B3GALT1: variants seen among roughly 807,000 people sequenced by gnomAD.
B3GALT1 encodes UDP-Gal:betaGlcNAc beta 1,3-galactosyltransferase, polypeptide 1.
In B3GALT1, 10 loss-of-function variants were observed where a neutral mutation model predicts 23.2. The observed-to-expected ratio is 0.43, with a 90% confidence interval of 0.27 to 0.73. The LOEUF (loss-of-function observed/expected upper bound fraction) is 0.73, where lower values mean the gene tolerates loss of function less well. Among genes scored for constraint, B3GALT1 ranks in the 30% least tolerant of loss-of-function variants. The probability of loss-of-function intolerance (pLI) is 0.21; values close to 1 mark genes in which losing one functional copy is unlikely to be tolerated. For missense variants in B3GALT1, 299 were observed against 405.4 expected, an observed-to-expected ratio of 0.74 and a Z score of 2.25; for synonymous variants, 156 against 141.5, an observed-to-expected ratio of 1.10 and a Z score of -0.73.
At chr2:167,770,753 A>G (rs974083939) in intron 3 of B3GALT1, among the ~76,000 whole-genome samples, 2 of 152,140 alleles carry the variant, frequency 1.3e-5, no homozygotes, top group South Asian at 2.1e-4. Flanking sequence ...AGTTTTTCAT[A>G]TCAGTGTCCT....
chr2:167,349,021 A>G (rs940386376), intron 1 of B3GALT1, among the ~76,000 whole-genome samples: 3 of 152,192 alleles, frequency 2.0e-5, no homozygotes, highest in African/African-American at 4.8e-5. Flanking sequence ...GTCATGTTTC[A>G]TATTTTTCAG....
chr2:167,654,260 GATA>G (rs1259087265), intron 3 of B3GALT1, among the ~76,000 whole-genome samples: 1 of 152,108 alleles, frequency 6.6e-6, no homozygotes, highest in African/African-American at 2.4e-5. Flanking sequence ...GAATATATTT[GATA>G]ATAATACTAT....
At chr2:167,629,750 G>A (rs540614273) in intron 2 of B3GALT1, among the ~76,000 whole-genome samples, 26 of 151,780 alleles carry the variant, frequency 1.7e-4, no homozygotes, top group African/African-American at 6.3e-4. Flanking sequence ...TTTTGTGCAT[G>A]GATCAAAAAT....
At chr2:167,827,400 G>T (rs1689253158) in intron 4 of B3GALT1, among the ~76,000 whole-genome samples, 1 of 152,214 alleles carries the variant, frequency 6.6e-6, no homozygotes, top group Admixed American at 6.5e-5. Flanking sequence ...AATATGACGA[G>T]ATCCTTGCCA....
At chr2:167,400,933 C>T (rs565784052) in intron 1 of B3GALT1, among the ~76,000 whole-genome samples, 3 of 152,214 alleles carry the variant, frequency 2.0e-5, no homozygotes, top group South Asian at 4.2e-4. Flanking sequence ...AGTCCAATAG[C>T]GGGAACTTCA....
intron 1 of B3GALT1, among the ~76,000 whole-genome samples, chr2:167,442,372 A>G (rs1408718272): frequency 6.6e-6 from 1 of 152,146 alleles, no homozygotes; most frequent in African/African-American, 2.4e-5. Context: ...ATCATGATTT[A>G]TAGTCCTTTG....
chr2:167,386,473 A>C (rs1697931031), intron 1 of B3GALT1, among the ~76,000 whole-genome samples: 1 of 152,168 alleles, frequency 6.6e-6, no homozygotes, highest in South Asian at 2.1e-4. Flanking sequence ...TATGTTTTCA[A>C]AATATGTAAC....
At position 167,683,257 on chromosome 2, in the gene B3GALT1, G is replaced by A. The variant is rs1045725703; in HGVS notation, c.-352+36291G>A. 1.1e-4 allele frequency among the ~76,000 whole-genome samples: 17 copies of A among 152,140 alleles called. 1 individual carries two copies. Among genetic ancestry groups the A allele is most frequent in the Non-Finnish European group, 2.9e-5 (2 of 68,028 alleles). ...TATCTGTACTTCTTTATATTACAGGGTGGCAGTAGACACCAAAGACCTTCC... is the reference window on the plus strand; with the variant it reads ...TATCTGTACTTCTTTATATTACAGGATGGCAGTAGACACCAAAGACCTTCC... On this transcript the variant is annotated intron_variant, in intron 3 of 4. Transcript: ENST00000392690.
chr2:167,582,757 C>G (rs1445555582), intron 2 of B3GALT1, among the ~76,000 whole-genome samples: 1 of 152,082 alleles, frequency 6.6e-6, no homozygotes, highest in Non-Finnish European at 1.5e-5. Context: ...CAAGCCCATC[C>G]CTGGGCATTC....
chr2:167,871,971 G>T lies in B3GALT1; in HGVS notation c.*1951G>T, dbSNP rs1190586493. ...GGCGGGAGTGCAGTGGCACAATCTC[G>T]GCTCACTGCAAGCTCCGCCTCCCGG... On this transcript the variant is annotated 3_prime_UTR_variant, in exon 5 of 5. Transcript: ENST00000392690. The T allele has an allele frequency of 1.5e-5, 2 of 131,608 alleles. No individual in the cohort carries two copies. Among genetic ancestry groups the T allele is most frequent in the African/African-American group, 5.8e-5 (2 of 34,610 alleles). 8.2% of individuals were successfully genotyped at this position (131,608 alleles called of 1,614,324 possible). A position where few individuals can be genotyped will look rare whatever the true frequency, so the allele number is the denominator to read the frequency against.
chr2:167,381,527 G>T (rs1481003567), intron 1 of B3GALT1, among the ~76,000 whole-genome samples: 1 of 152,172 alleles, frequency 6.6e-6, no homozygotes, highest in East Asian at 1.9e-4. Flanking sequence ...TTGGTTGAAG[G>T]TCCTGGAGAC....
At chr2:167,807,855 A>G (rs1303426524) in intron 3 of B3GALT1, among the ~76,000 whole-genome samples, 3 of 152,158 alleles carry the variant, frequency 2.0e-5, no homozygotes, top group Admixed American at 6.5e-5. Flanking sequence ...GCTGAGTTCA[A>G]TTCCTGGATA....
In B3GALT1 at chr2:167,647,923, A is replaced by G. The variant is rs974391555; in HGVS notation, c.-352+957A>G. On this transcript the variant is annotated intron_variant, in intron 3 of 4. Transcript: ENST00000392690. The stretch of plus-strand genomic sequence containing the variant: ...TCCTCAAGCATTTATCCTTTGAGCT[A>G]TAAACAACCTAATTTCGCTCTTTAA... Among the ~76,000 whole-genome samples the G allele has an allele frequency of 3.9e-5, 6 of 152,192 alleles. No homozygotes were observed. In the East Asian group the frequency reaches 9.6e-4, roughly 24 times the overall value.
chr2:167,500,533 G>A (rs868210299), intron 2 of B3GALT1, among the ~76,000 whole-genome samples: 29 of 151,962 alleles, frequency 1.9e-4, no homozygotes, highest in Admixed American at 1.1e-3. Flanking sequence ...TCTCAGTTTG[G>A]CCATATCCAG....
intron 1 of B3GALT1, among the ~76,000 whole-genome samples, chr2:167,378,240 A>G (rs1338648524): frequency 6.6e-6 from 1 of 151,882 alleles, no homozygotes; most frequent in Non-Finnish European, 1.5e-5. Flanking sequence ...TTTTTTCTCT[A>G]GTTGCCTTTA....
At chr2:167,683,946 C>T (rs1248315748) in intron 3 of B3GALT1, among the ~76,000 whole-genome samples, 1 of 152,174 alleles carries the variant, frequency 6.6e-6, no homozygotes, top group Non-Finnish European at 1.5e-5. Flanking sequence ...CTATCTGGAA[C>T]ACTTTCCTTC....
intron 4 of B3GALT1, among the ~76,000 whole-genome samples, chr2:167,824,111 A>AAAAC (rs1199187763): frequency 6.6e-6 from 1 of 152,246 alleles, no homozygotes; most frequent in Non-Finnish European, 1.5e-5. Context: ...AACTAGAGTA[A>AAAAC]AAACAGTATA....
intron 4 of B3GALT1, among the ~76,000 whole-genome samples, chr2:167,830,584 T>C (rs1363605262): frequency 8.5e-5 from 13 of 152,324 alleles, no homozygotes; most frequent in Admixed American, 3.3e-4. Context: ...CCTGGATGTG[T>C]ATGAATTTAG....
chr2:167,526,118 A>C (rs1366139820), intron 2 of B3GALT1, among the ~76,000 whole-genome samples: 3 of 152,006 alleles, frequency 2.0e-5, no homozygotes, highest in Non-Finnish European at 4.4e-5. Context: ...GAAAATCTGG[A>C]TACTGTTTAT....
Sources: gnomAD v4.1 joint callset for allele counts (sites outside exome capture counted in the v4.1 genomes callset) on GRCh38, gnomAD v4.1.1 for gene constraint, MANE v1.5 for transcripts, NCBI Gene and HGNC (gene_info 2026-07-23, HGNC 2026-07-21) for gene names.